Variants in OSBPL3 observed in about 807,000 individuals in gnomAD.
OSBPL3 encodes oxysterol binding protein like 3, also known as oxysterol-binding protein-related protein 3.
OSBPL3 carries 65 observed loss-of-function variants against 120.1 expected under a neutral mutation model. The ratio of observed to expected loss-of-function variants is 0.54; its 90% CI spans 0.44 to 0.67. The LOEUF is 0.67. Ranked by LOEUF, OSBPL3 falls within the 30% of genes least tolerant of loss-of-function variation. OSBPL3 has a pLI of 0.00. For missense variants in OSBPL3, 1,004 were observed against 1,082.1 expected, an observed-to-expected ratio of 0.93 and a Z score of 1.01; for synonymous variants, 416 against 402.6, an observed-to-expected ratio of 1.03 and a Z score of -0.40.
In OSBPL3 at chr7:24,947,846, G is replaced by C. The variant is rs1015724028; in HGVS notation, c.-150+32040C>G. ...TACCCATGTGCCAGATTCTGTGATCGGTGTTGGTAATTTGACACTGTACAG... is the reference window on the plus strand; with the variant it reads ...TACCCATGTGCCAGATTCTGTGATCCGTGTTGGTAATTTGACACTGTACAG... On this transcript the variant is annotated intron_variant, in intron 1 of 22. Coordinates refer to ENST00000313367, the MANE Select transcript of OSBPL3 (RefSeq NM_015550.4). This position sits in a 1 kb window ranked among gnomAD's most constrained non-coding sequence, Gnocchi z 4.4. Among the ~76,000 whole-genome samples the C allele has an allele frequency of 6.6e-6, 1 of 151,506 alleles. No individual in the cohort carries two copies. Among genetic ancestry groups the C allele is most frequent in the African/African-American group, 2.4e-5 (1 of 41,206 alleles).
At position 24,964,900 on chromosome 7, in the gene OSBPL3, T is replaced by C. The variant is rs1418232538; in HGVS notation, c.-150+14986A>G. On this transcript the variant is annotated intron_variant, in intron 1 of 22. Coordinates refer to ENST00000313367, the MANE Select transcript of OSBPL3 (RefSeq NM_015550.4). This position sits in a 1 kb window ranked among gnomAD's most constrained non-coding sequence, Gnocchi z 4.2. ...TAAAATAAGTAAAGTTGGACAAACA[T>C]TGAGCAATACCTAAGCAGATGATCT... Among the ~76,000 whole-genome samples the C allele has an allele frequency of 1.3e-5, 2 of 152,216 alleles. No individual in the cohort carries two copies. The highest frequency in any genetic ancestry group is 6.5e-5 in the Admixed American group (1 of 15,288).
intron 1 of OSBPL3, among the ~76,000 whole-genome samples, chr7:24,921,534 C>T (rs1038674953): frequency 1.2e-4 from 18 of 152,286 alleles, no homozygotes; most frequent in South Asian, 6.2e-4. Flanking sequence ...AAGCTAAACA[C>T]GCCTTCCAAG....
intron 1 of OSBPL3, among the ~76,000 whole-genome samples, chr7:24,949,335 T>C (rs1312363863): frequency 6.6e-6 from 1 of 152,220 alleles, no homozygotes; most frequent in African/African-American, 2.4e-5. Context: ...TCTCTGACAT[T>C]GGGTGTGTCT....
chr7:24,955,489 T>C lies in OSBPL3; in HGVS notation c.-150+24397A>G, dbSNP rs1383781577. Among the ~76,000 whole-genome samples, 1 of 152,246 alleles carries C rather than the reference T, an allele frequency of 6.6e-6. No individual in the cohort carries two copies. The highest frequency in any genetic ancestry group is 2.4e-5 in the African/African-American group (1 of 41,478). ...CCTGGCTGTTCTGTGGAGGAGAGGC[T>C]ACTGGGGTGGCCTCAGGGCCTTTGC... On this transcript the variant is annotated intron_variant, in intron 1 of 22. Transcript: ENST00000313367. This position sits in a 1 kb window ranked among gnomAD's most constrained non-coding sequence, Gnocchi z 4.3.
In OSBPL3 at chr7:24,894,270, T is replaced by C. The variant is rs1805800699; in HGVS notation, c.-149-1649A>G. Among the ~76,000 whole-genome samples, 1 of 152,198 alleles carries C rather than the reference T, an allele frequency of 6.6e-6. No individual in the cohort carries two copies. Among genetic ancestry groups the C allele is most frequent in the Non-Finnish European group, 1.5e-5 (1 of 68,044 alleles). ...AGAGCCATAGAGCTCAATTCCCATG[T>C]TACTCTTAGGTAACTCCCCAAATCT... On this transcript the variant is annotated intron_variant, in intron 1 of 22. Transcript: ENST00000313367. This position sits in a 1 kb window ranked among gnomAD's most constrained non-coding sequence, Gnocchi z 4.1.
In OSBPL3 at chr7:24,824,697, T is replaced by C. The variant is rs1398911106; in HGVS notation, c.1885-4459A>G. Among the ~76,000 whole-genome samples the C allele has an allele frequency of 6.6e-6, 1 of 152,138 alleles. No homozygotes were observed. Among genetic ancestry groups the C allele is most frequent in the East Asian group, 1.9e-4 (1 of 5,202 alleles). Reference sequence around the variant, plus strand: ...CCCTGATGGAATTTATATTTTAGTATGGAAGTGGGTAAGACAAACGACACA... The same window carrying C: ...CCCTGATGGAATTTATATTTTAGTACGGAAGTGGGTAAGACAAACGACACA... On this transcript the variant is annotated intron_variant, in intron 16 of 22. Transcript: ENST00000313367. The surrounding 1 kb of genome is among the most constrained non-coding windows in gnomAD (Gnocchi z 4.9).
intron 22 of OSBPL3, among the ~76,000 whole-genome samples, chr7:24,801,728 C>T (rs189072569): frequency 2.0e-5 from 3 of 152,298 alleles, no homozygotes; most frequent in African/African-American, 4.8e-5. Flanking sequence ...TGCTGAACAG[C>T]GGGGCTGCAT....
At chr7:24,861,791 A>C (rs1178815500) in intron 9 of OSBPL3, 22 bp from the exon 10 acceptor site, 3 of 1,524,550 alleles carry the variant, frequency 2.0e-6, no homozygotes, top group Non-Finnish European at 2.7e-6. Flanking sequence ...CCAAAGGGAG[A>C]TATTTCTTTT....
At chr7:24,941,437 C>T (rs1020397758) in intron 1 of OSBPL3, among the ~76,000 whole-genome samples, 1 of 152,194 alleles carries the variant, frequency 6.6e-6, no homozygotes, top group Admixed American at 6.5e-5. Flanking sequence ...CTCTCGCCTA[C>T]CTGACTACAA....
chr7:24,916,435 TC>T lies in OSBPL3; in HGVS notation c.-149-23815del, dbSNP rs1444841461. On this transcript the variant is annotated intron_variant, in intron 1 of 22. Coordinates refer to ENST00000313367, the MANE Select transcript of OSBPL3 (RefSeq NM_015550.4). This position sits in a 1 kb window ranked among gnomAD's most constrained non-coding sequence, Gnocchi z 4.9. Reference sequence around the variant, plus strand: ...TTACTTTCTCCTTTGAACTTTTTTTTCTTTTGCCTAATTTTTTTTAATTAAG... The same window carrying T: ...TTACTTTCTCCTTTGAACTTTTTTTTTTTTGCCTAATTTTTTTTAATTAAG... Among the ~76,000 whole-genome samples the T allele has an allele frequency of 1.3e-5, 2 of 152,160 alleles. No homozygotes were observed. The highest frequency in any genetic ancestry group is 2.9e-5 in the Non-Finnish European group (2 of 68,018).
At chr7:24,956,116 C>T (rs1186041010) in intron 1 of OSBPL3, among the ~76,000 whole-genome samples, 1 of 152,250 alleles carries the variant, frequency 6.6e-6, no homozygotes, top group Non-Finnish European at 1.5e-5. Context: ...ATGAAAGTGA[C>T]CCACAGTCAA....
In OSBPL3 at chr7:24,940,621, C is replaced by T. The variant is rs763065830; in HGVS notation, c.-150+39265G>A. 6.6e-6 allele frequency among the ~76,000 whole-genome samples: 1 copy of T among 151,960 alleles called. No homozygotes were observed. The highest frequency in any genetic ancestry group is 2.4e-5 in the African/African-American group (1 of 41,368). On this transcript the variant is annotated intron_variant, in intron 1 of 22. Transcript: ENST00000313367. This position sits in a 1 kb window ranked among gnomAD's most constrained non-coding sequence, Gnocchi z 4.4. ...GAGCACCAGTGTTTGGCCACTGGAG[C>T]GGGCGGCTGAGGTGGTATGGGAGGT... is the stretch of plus-strand genomic sequence containing the variant.
In OSBPL3 at chr7:24,834,367, A is replaced by G. The variant is rs1381838516; in HGVS notation, c.1746+119T>C. 1 of 1,514,608 alleles carries G rather than the reference A, an allele frequency of 6.6e-7. No homozygotes were observed. Among genetic ancestry groups the G allele is most frequent in the South Asian group, 1.3e-5 (1 of 74,300 alleles). The allele number at this position is 1,514,608 out of a possible 1,614,324, so 93.8% of individuals were successfully genotyped here. ...ACAGCTCTGAGTAATGAACCTGTTT[A>G]CGGAACAATCAAAATGAAACCGGAG... On this transcript the variant is annotated intron_variant, in intron 15 of 22. Transcript: ENST00000313367. The surrounding 1 kb of genome is among the most constrained non-coding windows in gnomAD (Gnocchi z 5.2).
rs1472287491 is a variant in OSBPL3 at position 24,980,153 on chromosome 7, T to C, written c.-417A>G. On this transcript the variant is annotated 5_prime_UTR_variant, in exon 1 of 23. Transcript: ENST00000313367. ...CGGGCGCCACCAGCACGCGGCCAGT[T>C]CTGAGTACTTTGCCCAGAACTTCTC... 7.0e-6 allele frequency: 4 copies of C among 572,356 alleles called. No homozygotes were observed. In the African/African-American group the frequency reaches 8.1e-5, roughly 12 times the overall value. The allele number at this position is 572,356 out of a possible 1,614,324, so 35.5% of individuals were successfully genotyped here. A position where few individuals can be genotyped will look rare whatever the true frequency, so the allele number is the denominator to read the frequency against.
chr7:24,980,310 C>A (rs6950118), upstream of OSBPL3: 14,095 of 152,012 alleles, frequency 0.093, 1,155 homozygotes, highest in East Asian at 0.27. Flanking sequence ...TCTCACCAAT[C>A]AGAAGTCGCC....
chr7:24,852,707 C>G lies in OSBPL3; in HGVS notation c.1028-73G>C. 1 of 1,016,494 alleles carries G rather than the reference C, an allele frequency of 9.8e-7. No individual in the cohort carries two copies. The allele number at this position is 1,016,494 out of a possible 1,614,324, so 63.0% of individuals were successfully genotyped here. On this transcript the variant is annotated intron_variant, in intron 10 of 22. Transcript: ENST00000313367. The surrounding 1 kb of genome is among the most constrained non-coding windows in gnomAD (Gnocchi z 4.1). ...AAACAAAATACAGAAAAAAACATAT[C>G]TCTTATAAAAGAAACAAGCAAAGTA... is the stretch of plus-strand genomic sequence containing the variant.
Position 24,865,455 on chromosome 7 carries a change from A to G in OSBPL3, c.560T>C (p.Ile187Thr). 6.2e-7 allele frequency: 1 copy of G among 1,613,860 alleles called. No individual in the cohort carries two copies. The highest frequency in any genetic ancestry group is 1.1e-5 in the South Asian group (1 of 91,068). Residue 187 changes from isoleucine to threonine, a missense_variant, in exon 7 of 23, where the codon ATA becomes ACA. Ile to Thr is a moderately conservative substitution (Grantham distance 89). Coordinates refer to ENST00000313367, the MANE Select transcript of OSBPL3 (RefSeq NM_015550.4). ...AGTTTGAAATAAATTCTGCTTTGAT[A>G]TACTGCTACGCTGTTCCACGGATGA... ...DSISSRKRSS[I>T]SKQNLFQTGS...
chr7:24,951,443 G>C (rs1034590002), intron 1 of OSBPL3, among the ~76,000 whole-genome samples: 5 of 152,130 alleles, frequency 3.3e-5, no homozygotes, highest in Admixed American at 6.5e-5. Context: ...ATCACTGAAT[G>C]TTATTAAATA....
rs538502771 is a variant in OSBPL3, at chr7:24,962,100, C to T, written c.-150+17786G>A. Reference sequence around the variant, plus strand: ...GGTGGATCACTTGAGGTCAGGAGTTCGAGACCAGCCTGGCCAACATGGTGA... The same window carrying T: ...GGTGGATCACTTGAGGTCAGGAGTTTGAGACCAGCCTGGCCAACATGGTGA... On this transcript the variant is annotated intron_variant, in intron 1 of 22. Transcript: ENST00000313367. 9.2e-5 allele frequency among the ~76,000 whole-genome samples: 14 copies of T among 151,806 alleles called. No homozygotes were observed. The East Asian group carries it at 2.1e-3, about 23-fold the overall frequency.
Sources: allele counts gnomAD v4.1 joint callset (sites outside exome capture counted in the v4.1 genomes callset), GRCh38; gene constraint gnomAD v4.1.1; non-coding constraint Gnocchi (gnomAD v3.1); transcripts MANE v1.5; gene names NCBI Gene and HGNC (gene_info 2026-07-23, HGNC 2026-07-21).